Variants in LCLAT1 observed in about 807,000 individuals in gnomAD.
LCLAT1 encodes the protein lysocardiolipin acyltransferase 1, also known as 1-AGP acyltransferase 8.
LCLAT1 carries 11 observed loss-of-function variants against 30.7 expected under a neutral mutation model. That is an observed-to-expected ratio of 0.36 (90% confidence interval 0.23 to 0.59). LCLAT1 has a LOEUF of 0.59. Ranked by LOEUF, LCLAT1 falls within the 20% of genes least tolerant of loss-of-function variation. The pLI is 0.77. For missense variants in LCLAT1, 402 were observed against 458.6 expected, an observed-to-expected ratio of 0.88 and a Z score of 1.13; for synonymous variants, 155 against 151.3, an observed-to-expected ratio of 1.02 and a Z score of -0.18.
At chr2:30,619,506 T>C (rs1668146358) in intron 5 of LCLAT1, among the ~76,000 whole-genome samples, 1 of 152,210 alleles carries the variant, frequency 6.6e-6, no homozygotes, top group African/African-American at 2.4e-5. Flanking sequence ...TTACAAGATA[T>C]TCTAGTGCTA....
intron 5 of LCLAT1, among the ~76,000 whole-genome samples, chr2:30,619,922 T>TATA (rs1303535355): frequency 6.6e-6 from 1 of 152,252 alleles, no homozygotes; most frequent in Admixed American, 6.5e-5. Context: ...TCCTGCTATA[T>TATA]GAGCACAAGT....
chr2:30,488,583 G>A (rs1277255871), intron 1 of LCLAT1, among the ~76,000 whole-genome samples: 1 of 152,182 alleles, frequency 6.6e-6, no homozygotes, highest in African/African-American at 2.4e-5. Flanking sequence ...ATTAGATATT[G>A]ACTCTTAGAT....
At chr2:30,479,144 C>T (rs1460958102) in intron 1 of LCLAT1, among the ~76,000 whole-genome samples, 2 of 152,136 alleles carry the variant, frequency 1.3e-5, no homozygotes, top group East Asian at 1.9e-4. Context: ...AATTGTGGCA[C>T]TTACTTATTT....
intron 2 of LCLAT1, 95 bp downstream of exon 2, chr2:30,525,850 T>C: frequency 1.0e-6 from 1 of 1,002,154 alleles, no homozygotes; most frequent in South Asian, 1.5e-5. Flanking sequence ...GTCCCTACAG[T>C]ATTTGCACAT....
rs142971882 is a variant in LCLAT1, at chr2:30,577,825, G to T, written c.628+9649G>T. Among the ~76,000 whole-genome samples, 110 of 151,872 alleles carry T rather than the reference G, an allele frequency of 7.2e-4. No homozygotes were observed. In the South Asian group the frequency reaches 9.8e-3, roughly 13 times the overall value. ...TTCTTCTTCTTTGTCTTTGACCATGGCCATTATCTCTGTTGTTCATGCTAC... is the reference window on the plus strand; with the variant it reads ...TTCTTCTTCTTTGTCTTTGACCATGTCCATTATCTCTGTTGTTCATGCTAC... On this transcript the variant is annotated intron_variant, in intron 5 of 5. Coordinates refer to ENST00000379509, the MANE Select transcript of LCLAT1 (RefSeq NM_001002257.3).
intron 5 of LCLAT1, among the ~76,000 whole-genome samples, chr2:30,574,346 T>C (rs1338460680): frequency 1.3e-5 from 2 of 152,166 alleles, no homozygotes; most frequent in African/African-American, 4.8e-5. Flanking sequence ...CAAAGTATTA[T>C]TGACAGTGTT....
chr2:30,584,165 G>A (rs932453219), intron 5 of LCLAT1, among the ~76,000 whole-genome samples: 3 of 152,060 alleles, frequency 2.0e-5, no homozygotes, highest in Non-Finnish European at 4.4e-5. Flanking sequence ...CTTGGATCCC[G>A]TCAGCCAAAC....
At chr2:30,525,883 T>C (rs972475258) in intron 2 of LCLAT1, 128 bp downstream of exon 2, 3 of 713,496 alleles carry the variant, frequency 4.2e-6, no homozygotes, top group African/African-American at 3.5e-5. Context: ...TCCTTCTGTA[T>C]GCTTTAAATA....
intron 5 of LCLAT1, among the ~76,000 whole-genome samples, chr2:30,592,660 T>C (rs1455422178): frequency 6.6e-6 from 1 of 152,250 alleles, no homozygotes; most frequent in African/African-American, 2.4e-5. Flanking sequence ...TTTAATCCAT[T>C]ACATACATTT....
At chr2:30,555,798 A>T (rs1483607750) in intron 3 of LCLAT1, among the ~76,000 whole-genome samples, 1 of 151,748 alleles carries the variant, frequency 6.6e-6, no homozygotes, top group Non-Finnish European at 1.5e-5. Context: ...TTTCCAAACT[A>T]CTACAATAGG....
intron 5 of LCLAT1, among the ~76,000 whole-genome samples, chr2:30,630,773 A>C (rs1431639524): frequency 6.6e-6 from 1 of 152,198 alleles, no homozygotes; most frequent in Non-Finnish European, 1.5e-5. Context: ...AGTCACTTAA[A>C]AGGGACTTGA....
At chr2:30,475,536 A>C (rs551751543) in intron 1 of LCLAT1, among the ~76,000 whole-genome samples, 1 of 152,324 alleles carries the variant, frequency 6.6e-6, no homozygotes, top group Non-Finnish European at 1.5e-5. Flanking sequence ...CAACATTTGC[A>C]GTTATTATGA....
intron 1 of LCLAT1, among the ~76,000 whole-genome samples, chr2:30,519,860 G>A (rs978614827): frequency 3.3e-5 from 5 of 152,024 alleles, no homozygotes; most frequent in East Asian, 1.9e-4. Context: ...GTTACTGTTC[G>A]AGCTGAGCTT....
Position 30,554,441 on chromosome 2 carries a change from G to A in LCLAT1, c.365-7705G>A, listed in dbSNP as rs558180761. On this transcript the variant is annotated intron_variant, in intron 3 of 5. Transcript: ENST00000379509. ...AAGATTCAAGTATCTATGCAGAGAG[G>A]TTGTTTAGTACCGTGATTTAAAAAT... Among the ~76,000 whole-genome samples the A allele has an allele frequency of 7.9e-5, 12 of 152,312 alleles. No homozygotes were observed. In the South Asian group the frequency reaches 2.5e-3, roughly 32 times the overall value.
intron 1 of LCLAT1, among the ~76,000 whole-genome samples, chr2:30,505,995 G>A (rs761290427): frequency 2.6e-5 from 4 of 152,004 alleles, no homozygotes; most frequent in Non-Finnish European, 4.4e-5. Context: ...GAATTACCAG[G>A]CTTGTTTATT....
At chr2:30,537,238 G>T (rs1029983593) in intron 3 of LCLAT1, among the ~76,000 whole-genome samples, 16 of 152,136 alleles carry the variant, frequency 1.1e-4, no homozygotes, top group African/African-American at 3.9e-4. Context: ...AAAATTAGCC[G>T]GGCGCGGTGG....
rs190180703 is a variant in LCLAT1, at chr2:30,499,400, T to C, written c.-4-26187T>C. Among the ~76,000 whole-genome samples the C allele has an allele frequency of 6.9e-4, 105 of 152,360 alleles. No individual in the cohort carries two copies. The East Asian group carries it at 0.017, about 24-fold the overall frequency. On this transcript the variant is annotated intron_variant, in intron 1 of 5. Transcript: ENST00000379509. Reference sequence around the variant, plus strand: ...TTTCGCCATGTTGGCCAGGCTTGTCTCGAACTCCTGACCTCAGGTGATCTG... The same window carrying C: ...TTTCGCCATGTTGGCCAGGCTTGTCCCGAACTCCTGACCTCAGGTGATCTG...
At chr2:30,501,465 G>A (rs1268781703) in intron 1 of LCLAT1, among the ~76,000 whole-genome samples, 2 of 152,006 alleles carry the variant, frequency 1.3e-5, no homozygotes, top group African/African-American at 4.8e-5. Flanking sequence ...CTGATTGTAG[G>A]CTGAGTGCGG....
chr2:30,452,380 A>T (rs1681596937), intron 1 of LCLAT1, among the ~76,000 whole-genome samples: 1 of 151,314 alleles, frequency 6.6e-6, no homozygotes, highest in Non-Finnish European at 1.5e-5. Flanking sequence ...GATGAAAAGT[A>T]TAATTTTTTT....
Sources: gnomAD v4.1 joint callset for allele counts (sites outside exome capture counted in the v4.1 genomes callset) on GRCh38, gnomAD v4.1.1 for gene constraint, MANE v1.5 for transcripts, NCBI Gene and HGNC (gene_info 2026-07-23, HGNC 2026-07-21) for gene names.